TANC1: variants seen among roughly 807,000 people sequenced by gnomAD.
TANC1 encodes the protein protein TANC1.
A neutral mutation model predicts 149.7 loss-of-function variants in TANC1; 77 were observed. The observed-to-expected ratio is 0.51, with a 90% confidence interval of 0.43 to 0.62. TANC1 has a LOEUF of 0.62. TANC1 is among the 20% of genes least tolerant of loss of function. The pLI is 0.00. For missense variants in TANC1, 1,985 were observed against 2,321.8 expected (o/e 0.85, Z 2.98); for synonymous variants, 854 against 925.0 (o/e 0.92, Z 1.39).
chr2:159,066,756 T>C (rs1460132196), intron 3 of TANC1, among the ~76,000 whole-genome samples: 1 of 152,232 alleles, frequency 6.6e-6, no homozygotes, highest in Non-Finnish European at 1.5e-5. Context: ...TTCATTATAA[T>C]GAGAACTACT....
intron 4 of TANC1, among the ~76,000 whole-genome samples, chr2:159,112,740 T>C (rs2047874301): frequency 6.6e-6 from 1 of 151,908 alleles, no homozygotes; most frequent in African/African-American, 2.4e-5. Flanking sequence ...CATGGCCGGG[T>C]AATTTTTTTA....
intron 3 of TANC1, among the ~76,000 whole-genome samples, chr2:159,074,242 C>A (rs1463396957): frequency 1.3e-5 from 2 of 152,200 alleles, no homozygotes; most frequent in Non-Finnish European, 2.9e-5. Flanking sequence ...AACTGAGCAG[C>A]TGGTTTTAAT....
chr2:159,221,171 A>G (rs1377004449), intron 22 of TANC1, among the ~76,000 whole-genome samples: 1 of 152,158 alleles, frequency 6.6e-6, no homozygotes, highest in Non-Finnish European at 1.5e-5. Context: ...ACTTGAGGTC[A>G]GGAGTTCGAG....
chr2:159,064,404 T>C (rs543614784), intron 2 of TANC1, among the ~76,000 whole-genome samples: 25 of 152,350 alleles, frequency 1.6e-4, no homozygotes, highest in African/African-American at 5.8e-4. Context: ...ACCTTCAGTA[T>C]GGCTTTTTCC....
At chr2:158,993,407 A>G (rs1274063975) in intron 1 of TANC1, among the ~76,000 whole-genome samples, 1 of 152,136 alleles carries the variant, frequency 6.6e-6, no homozygotes, top group African/African-American at 2.4e-5. Context: ...GCATGCCAGC[A>G]CACCTGGCTA....
chr2:159,037,094 A>C (rs1228377565), intron 2 of TANC1, among the ~76,000 whole-genome samples: 1 of 152,110 alleles, frequency 6.6e-6, no homozygotes, highest in Non-Finnish European at 1.5e-5. Context: ...TTTGATTTGC[A>C]TTTCTCTGAT....
rs763677889 is a variant in TANC1, at chr2:159,170,544, C to T, written c.1090C>T (p.Pro364Ser). The T allele has an allele frequency of 1.2e-6, 2 of 1,611,404 alleles. No homozygotes were observed. The highest frequency in any genetic ancestry group is 4.5e-5 in the East Asian group (2 of 44,828). ...TGAAGCACGATTTGCTCCCTACAAGCCACAAGACATTTTGTTGAAACCCTT... is the reference window on the plus strand; with the variant it reads ...TGAAGCACGATTTGCTCCCTACAAGTCACAAGACATTTTGTTGAAACCCTT... ...EVKARFAPYK[P>S]QDILLKPLLF... Residue 364 changes from proline to serine, a missense_variant, in exon 10 of 27, where the codon CCA (proline) becomes TCA (serine). Physicochemically the swap from Pro to Ser is moderately conservative, Grantham distance 74. Transcript: ENST00000263635.
intron 11 of TANC1, 62 bp from the exon 12 acceptor site, chr2:159,174,891 A>G: frequency 2.3e-6 from 3 of 1,288,242 alleles, no homozygotes; most frequent in Non-Finnish European, 3.4e-6. Flanking sequence ...TTCCTGTTTG[A>G]GATTGCAGAA....
At chr2:159,172,300 T>C (rs1237225697) in intron 11 of TANC1, 28 bp downstream of exon 11, 1 of 1,606,856 alleles carries the variant, frequency 6.2e-7, no homozygotes, top group African/African-American at 1.3e-5. Context: ...ATTGGAGCCT[T>C]CCACATAGAG....
chr2:159,223,218 G>C (rs1025466728), intron 22 of TANC1, among the ~76,000 whole-genome samples: 1 of 152,192 alleles, frequency 6.6e-6, no homozygotes, highest in African/African-American at 2.4e-5. Flanking sequence ...ACTTGTGGAA[G>C]GACTAGCTGG....
chr2:159,215,762 T>A (rs1036381151), intron 19 of TANC1, among the ~76,000 whole-genome samples: 7 of 152,196 alleles, frequency 4.6e-5, no homozygotes, highest in African/African-American at 1.7e-4. Flanking sequence ...AAATCCTCTG[T>A]GTGTTTTCTT....
chr2:159,060,285 A>G (rs551770963), intron 2 of TANC1, among the ~76,000 whole-genome samples: 1 of 152,356 alleles, frequency 6.6e-6, no homozygotes, highest in African/African-American at 2.4e-5. Flanking sequence ...CAAAAGCAGC[A>G]TCTTCAGAGA....
At chr2:159,182,187 C>CAACAAGAACA (rs2056556073) in intron 14 of TANC1, among the ~76,000 whole-genome samples, 1 of 132,062 alleles carries the variant, frequency 7.6e-6, no homozygotes, top group African/African-American at 2.9e-5. Flanking sequence ...CCAGCCTGGG[C>CAACAAGAACA]AACAAGAACA....
At chr2:159,004,204 T>C (rs969404851) in intron 2 of TANC1, 88 of 1,612,476 alleles carry the variant, frequency 5.5e-5, no homozygotes, top group Non-Finnish European at 6.7e-5. Context: ...GCTGAACAGT[T>C]CCCACGGCAA....
Position 159,163,269 on chromosome 2 carries a change from G to A in TANC1, c.683-14G>A. 6.2e-7 allele frequency: 1 copy of A among 1,610,276 alleles called. No homozygotes were observed. The highest frequency in any genetic ancestry group is 8.5e-7 in the Non-Finnish European group (1 of 1,177,478). On this transcript the variant is annotated splice_polypyrimidine_tract_variant and intron_variant, in intron 7 of 26. Coordinates refer to ENST00000263635, the MANE Select transcript of TANC1 (RefSeq NM_033394.3). Reference sequence around the variant, plus strand: ...GCCTGGCCTCCTTCAAAGTATTTTGGTCTTTCATTTCAGCCACAATTACAA... The same window carrying A: ...GCCTGGCCTCCTTCAAAGTATTTTGATCTTTCATTTCAGCCACAATTACAA...
At chr2:159,042,380 C>T (rs893073727) in intron 2 of TANC1, among the ~76,000 whole-genome samples, 7 of 152,126 alleles carry the variant, frequency 4.6e-5, no homozygotes, top group Non-Finnish European at 8.8e-5. Flanking sequence ...CCCTTGAAAA[C>T]GAATGTTCTC....
intron 2 of TANC1, among the ~76,000 whole-genome samples, chr2:159,009,549 C>T (rs965428425): frequency 3.3e-5 from 5 of 152,076 alleles, no homozygotes; most frequent in Non-Finnish European, 5.9e-5. Context: ...AAATGTTGAT[C>T]TCATGGAAGT....
At chr2:159,087,444 G>C (rs971696475) in intron 3 of TANC1, among the ~76,000 whole-genome samples, 1 of 146,026 alleles carries the variant, frequency 6.8e-6, no homozygotes, top group Admixed American at 6.9e-5. Context: ...AAGTTTTGTA[G>C]ATGTTGCTTT....
intron 2 of TANC1, among the ~76,000 whole-genome samples, chr2:159,057,175 A>T (rs2041916804): frequency 6.6e-6 from 1 of 152,186 alleles, no homozygotes; most frequent in Non-Finnish European, 1.5e-5. Context: ...CGATCCTCCC[A>T]AAGTGCTGGG....
Sources: allele counts gnomAD v4.1 joint callset (sites outside exome capture counted in the v4.1 genomes callset), GRCh38; gene constraint gnomAD v4.1.1; transcripts MANE v1.5; gene names NCBI Gene and HGNC (gene_info 2026-07-23, HGNC 2026-07-21).